The following MED15 variants were observed in gnomAD, a reference collection of about 807,000 sequenced individuals.
MED15 encodes the protein mediator complex subunit 15.
Under a neutral mutation model 118.7 loss-of-function variants are expected in MED15, and 41 were observed. The ratio of observed to expected loss-of-function variants is 0.35; its 90% confidence interval spans 0.27 to 0.45. MED15 has a LOEUF of 0.45. Among genes scored for constraint, MED15 ranks in the 20% least tolerant of loss-of-function variants. The pLI, the probability that MED15 is intolerant of heterozygous loss-of-function variation, is 1.00. For missense variants in MED15, 740 were observed against 1,025.5 expected, an observed-to-expected ratio of 0.72 and a Z score of 3.80; for synonymous variants, 436 against 413.9, an observed-to-expected ratio of 1.05 and a Z score of -0.65.
At chr22:20,566,367 A>G (rs2056438584) in intron 6 of MED15, 100 bp from the exon 7 acceptor site, 1 of 1,557,544 alleles carries the variant, frequency 6.4e-7, no homozygotes, top group Non-Finnish European at 8.7e-7. Flanking sequence ...GGCTCTGCAG[A>G]TGGCCACCTG....
intron 9 of MED15, among the ~76,000 whole-genome samples, chr22:20,578,507 C>T (rs1019196786): frequency 1.3e-5 from 2 of 152,240 alleles, no homozygotes; most frequent in Non-Finnish European, 2.9e-5. Flanking sequence ...TGCTGGGCCC[C>T]GTGTACCAAG....
Position 20,582,439 on chromosome 22 carries a change from T to G in MED15, c.1273-172T>G. 5 of 1,076,642 alleles carry G rather than the reference T, an allele frequency of 4.6e-6. No homozygotes were observed. The South Asian group carries it at 7.8e-5, about 17-fold the overall frequency. The allele number at this position is 1,076,642 out of a possible 1,614,324, so 66.7% of individuals were successfully genotyped here. On this transcript the variant is annotated intron_variant, in intron 9 of 17. Transcript: ENST00000263205. ...AGCCCCTTGGTCACCTCATGCTGTGTGCCAGGCTGGGGGAGTGTGCCTGTG... is the reference window on the plus strand; with the variant it reads ...AGCCCCTTGGTCACCTCATGCTGTGGGCCAGGCTGGGGGAGTGTGCCTGTG...
In MED15 at chr22:20,516,102, A is replaced by G. The variant is rs545848172; in HGVS notation, c.68+8356A>G. Among the ~76,000 whole-genome samples, 227 of 152,098 alleles carry G rather than the reference A, an allele frequency of 1.5e-3. 2 individuals carry two copies. The highest frequency in any genetic ancestry group is 1.2e-3 in the Admixed American group (19 of 15,286). On this transcript the variant is annotated intron_variant, in intron 1 of 17. Coordinates refer to ENST00000263205, the MANE Select transcript of MED15 (RefSeq NM_001003891.3). ...GAGGCTGAGGCGGGCGGATCACCTG[A>G]GGTCAGGAGTTCTAGACCAGCCTCA...
At position 20,583,376 on chromosome 22, in the gene MED15, G is replaced by T. The variant is rs571545008; in HGVS notation, c.1719G>T (p.Leu573=). Residue 573 remains leucine, a synonymous_variant, in exon 13 of 18, where the codon CTG becomes CTT. Transcript: ENST00000263205. ...AGATGAAGAGCCTTCTGGACATTCTGACAGACCCCTCGAAGCGGTGAGCTT... is the reference window on the plus strand; with the variant it reads ...AGATGAAGAGCCTTCTGGACATTCTTACAGACCCCTCGAAGCGGTGAGCTT... ...LSKMKSLLDI[L]TDPSKRCPLK... 2 of 1,611,904 alleles carry T rather than the reference G, an allele frequency of 1.2e-6. No individual in the cohort carries two copies. The highest frequency in any genetic ancestry group is 1.3e-5 in the African/African-American group (1 of 74,888).
At position 20,583,265 on chromosome 22, in the gene MED15, C is replaced by A; in HGVS notation, c.1672+18C>A. 1 of 1,611,908 alleles carries A rather than the reference C, an allele frequency of 6.2e-7. No homozygotes were observed. On this transcript the variant is annotated intron_variant, in intron 12 of 17. Transcript: ENST00000263205. ...GAACGAAGGTAGGCTGCAGCCAGGG[C>A]AGGGGCCTGCACCCTGGGGACACCA... is the stretch of plus-strand genomic sequence containing the variant.
At chr22:20,509,523 G>A (rs1482382475) in intron 1 of MED15, among the ~76,000 whole-genome samples, 3 of 151,408 alleles carry the variant, frequency 2.0e-5, no homozygotes, top group Non-Finnish European at 4.4e-5. Flanking sequence ...ACTGAAAGAG[G>A]AAGACAGATT....
chr22:20,563,643 A>G (rs2056324653), intron 5 of MED15, among the ~76,000 whole-genome samples: 1 of 152,210 alleles, frequency 6.6e-6, no homozygotes, highest in Admixed American at 6.5e-5. Flanking sequence ...ACACACACCC[A>G]CACAAGTGAG....
intron 1 of MED15, among the ~76,000 whole-genome samples, chr22:20,528,801 T>C (rs1040906617): frequency 6.6e-6 from 1 of 152,246 alleles, no homozygotes; most frequent in Non-Finnish European, 1.5e-5. Context: ...CTCAGTGTCC[T>C]ACCTGTGCCT....
chr22:20,564,822 A>G, intron 6 of MED15, 134 bp downstream of exon 6: 1 of 1,437,108 alleles, frequency 7.0e-7, no homozygotes, highest in Non-Finnish European at 9.5e-7. Context: ...GCCCTTTTCC[A>G]TGGGCTTCTC....
chr22:20,533,985 T>G (rs1198940036), intron 1 of MED15, among the ~76,000 whole-genome samples: 1 of 152,184 alleles, frequency 6.6e-6, no homozygotes, highest in African/African-American at 2.4e-5. Context: ...GCCAGTCTGC[T>G]GACACTCTCA....
chr22:20,586,503 C>T, intron 17 of MED15, 65 bp from the exon 18 acceptor site: 2 of 1,581,136 alleles, frequency 1.3e-6, no homozygotes, highest in Admixed American at 1.7e-5. Context: ...CAGAGCACTG[C>T]CGGGTGTGCC....
chr22:20,564,833 A>C (rs2056377591), intron 6 of MED15, 145 bp downstream of exon 6: 1 of 1,410,100 alleles, frequency 7.1e-7, no homozygotes, highest in African/African-American at 1.4e-5. Context: ...TGGGCTTCTC[A>C]AAAAGTCTGG....
intron 5 of MED15, among the ~76,000 whole-genome samples, chr22:20,559,601 A>C (rs2056153611): frequency 6.6e-6 from 1 of 152,196 alleles, no homozygotes; most frequent in African/African-American, 2.4e-5. Context: ...GGCCAGAGGA[A>C]TGTCTTAGAA....
intron 1 of MED15, chr22:20,518,774 C>T: frequency 2.4e-6 from 1 of 423,998 alleles, no homozygotes; most frequent in South Asian, 1.8e-5. Flanking sequence ...ATCAGTGCTG[C>T]CTAAACCGTT....
In MED15 at chr22:20,566,725, C is replaced by T; in HGVS notation, c.949C>T (p.Gln317Ter). Residue 317 changes from glutamine to a stop codon, truncating the protein, a stop_gained, in exon 7 of 18, where the codon CAA (glutamine) becomes TAA (stop). Transcript: ENST00000263205. LOFTEE classifies it high-confidence loss of function. ...QPPVAQNQPS[Q>*]LPPQSQTQPL... is the part of the protein sequence containing the mutation. Reference sequence around the variant, plus strand: ...TCCAGTTGCTCAGAACCAACCATCACAACTCCCGCCACAGTCGCAGACCCA... The same window carrying T: ...TCCAGTTGCTCAGAACCAACCATCATAACTCCCGCCACAGTCGCAGACCCA... 6.2e-7 allele frequency: 1 copy of T among 1,614,170 alleles called. No individual in the cohort carries two copies. The highest frequency in any genetic ancestry group is 8.5e-7 in the Non-Finnish European group (1 of 1,180,024).
intron 17 of MED15, among the ~76,000 whole-genome samples, chr22:20,586,341 G>A (rs1221413681): frequency 6.6e-6 from 1 of 152,008 alleles, no homozygotes; most frequent in South Asian, 2.1e-4. Flanking sequence ...GCCAGGCTGG[G>A]TCCCCAAGGT....
intron 8 of MED15, among the ~76,000 whole-genome samples, chr22:20,570,931 AT>A (rs918123533): frequency 2.1e-4 from 31 of 145,432 alleles, no homozygotes; most frequent in Non-Finnish European, 3.5e-4. Context: ...TATCCAGCTA[AT>A]TTTTTTTTCC....
Position 20,577,170 on chromosome 22 carries a change from G to A in MED15, c.1272+1938G>A, listed in dbSNP as rs554302685. ...TCGAGGGCTCAAGTGAAACCCTTAT[G>A]CCTTGGCCTCTCAGCAGGATTCTTC... On this transcript the variant is annotated intron_variant, in intron 9 of 17. Coordinates refer to ENST00000263205, the MANE Select transcript of MED15 (RefSeq NM_001003891.3). 3.3e-5 allele frequency among the ~76,000 whole-genome samples: 5 copies of A among 152,212 alleles called. No individual in the cohort carries two copies. In the East Asian group the frequency reaches 5.8e-4, roughly 18 times the overall value.
chr22:20,532,312 A>G (rs1016104137), intron 1 of MED15, among the ~76,000 whole-genome samples: 14 of 152,184 alleles, frequency 9.2e-5, no homozygotes, highest in Admixed American at 4.6e-4. Context: ...AGATGAAGAC[A>G]CGAAGAGCTT....
Sources: gnomAD v4.1 joint callset for allele counts (sites outside exome capture counted in the v4.1 genomes callset) on GRCh38, gnomAD v4.1.1 for gene constraint, MANE v1.5 for transcripts, NCBI Gene and HGNC (gene_info 2026-07-23, HGNC 2026-07-21) for gene names.